SPIDR: variants seen among roughly 807,000 people sequenced by gnomAD.
The protein encoded by SPIDR is scaffold protein involved in DNA repair.
In SPIDR, 93 loss-of-function variants were observed where a neutral mutation model predicts 104.6. The observed-to-expected ratio is 0.89, with a 90% CI of 0.75 to 1.06. The LOEUF (loss-of-function observed/expected upper bound fraction) is 1.06. SPIDR is among the 50% of genes least tolerant of loss of function. The pLI is 0.00. For synonymous variants in SPIDR, 431 were observed against 416.9 expected (o/e 1.03, Z -0.41); for missense variants, 1,154 against 1,111.2 (o/e 1.04, Z -0.55).
intron 5 of SPIDR, among the ~76,000 whole-genome samples, chr8:47,329,367 G>A (rs575102494): frequency 2.6e-4 from 40 of 152,142 alleles, no homozygotes; most frequent in African/African-American, 7.9e-4. Context: ...CACCGCGCCC[G>A]ACCCAATTTT....
chr8:47,284,277 C>T (rs1001713549), intron 3 of SPIDR, among the ~76,000 whole-genome samples, 183 bp downstream of exon 3: 7 of 152,126 alleles, frequency 4.6e-5, no homozygotes, highest in African/African-American at 9.7e-5. Flanking sequence ...TCGCTGTCAC[C>T]GTCTACCCCA....
intron 7 of SPIDR, among the ~76,000 whole-genome samples, chr8:47,431,136 ACTGGTTTTAGGCAGTCGCCTTCTTG>A (rs2067291671): frequency 6.6e-6 from 1 of 152,152 alleles, no homozygotes; most frequent in Admixed American, 6.5e-5. Flanking sequence ...GAGCCCTTTT[ACTGGTTTTAGGCAGTCGCCTTCTTG>A]CTGTGTGCTC....
chr8:47,274,943 A>G (rs2154217193), intron 1 of SPIDR, among the ~76,000 whole-genome samples: 1 of 151,796 alleles, frequency 6.6e-6, no homozygotes, highest in East Asian at 2.0e-4. Context: ...TGGAGCTGCT[A>G]GAAAATAAAG....
chr8:47,504,577 C>G (rs200779213), intron 8 of SPIDR, among the ~76,000 whole-genome samples: 13 of 152,248 alleles, frequency 8.5e-5, no homozygotes, highest in African/African-American at 2.6e-4. Context: ...GCCATGGGTG[C>G]AAACTTCCTC....
chr8:47,284,755 C>G (rs911967063), intron 3 of SPIDR, among the ~76,000 whole-genome samples: 1 of 152,148 alleles, frequency 6.6e-6, no homozygotes, highest in Non-Finnish European at 1.5e-5. Flanking sequence ...GGAAGGAATG[C>G]GCTTCCCAGT....
At chr8:47,432,883 G>A (rs549493420) in intron 7 of SPIDR, among the ~76,000 whole-genome samples, 2 of 152,234 alleles carry the variant, frequency 1.3e-5, no homozygotes, top group Admixed American at 6.5e-5. Flanking sequence ...CCATTCAGGT[G>A]GGCCTTATGA....
At chr8:47,584,339 A>T (rs1265396829) in intron 8 of SPIDR, among the ~76,000 whole-genome samples, 4 of 152,214 alleles carry the variant, frequency 2.6e-5, no homozygotes, top group Non-Finnish European at 4.4e-5. Flanking sequence ...TTTCAAATAT[A>T]TGTTTACCTT....
intron 5 of SPIDR, among the ~76,000 whole-genome samples, chr8:47,316,466 C>T (rs1554589621): frequency 6.6e-6 from 1 of 152,162 alleles, no homozygotes; most frequent in African/African-American, 2.4e-5. Flanking sequence ...CATATACCCA[C>T]CAGTTGGAGA....
intron 16 of SPIDR, among the ~76,000 whole-genome samples, chr8:47,717,975 C>CTGGGGCACA (rs1056027984): frequency 2.0e-5 from 3 of 152,166 alleles, no homozygotes; most frequent in Non-Finnish European, 4.4e-5. Context: ...GAGAGCAGCC[C>CTGGGGCACA]TGGGGCACAT....
At chr8:47,672,958 G>T (rs1038990830) in intron 10 of SPIDR, among the ~76,000 whole-genome samples, 7 of 152,220 alleles carry the variant, frequency 4.6e-5, no homozygotes, top group African/African-American at 1.7e-4. Flanking sequence ...TGCCAAGGCA[G>T]CACTTAAGGC....
In SPIDR at chr8:47,673,937, G is replaced by A. The variant is rs1262815925; in HGVS notation, c.1681G>A (p.Gly561Arg). 13 of 1,613,834 alleles carry A rather than the reference G, an allele frequency of 8.1e-6. No homozygotes were observed. The highest frequency in any genetic ancestry group is 1.7e-5 in the Admixed American group (1 of 59,976). ...GMKVLQKVTR[G>R]RTAGIFSLID... ...GAAGGTTCTACAGAAAGTCACCAGA[G>A]GAAGGTGAGAACGTGCAGGAATGGC... The change falls in exon 11 of 20, where the codon GGA (glycine) becomes AGA (arginine). Residue 561 changes from glycine (G) to arginine (R), a missense_variant. Coordinates refer to ENST00000297423, the MANE Select transcript of SPIDR (RefSeq NM_001080394.4).
chr8:47,625,011 C>T (rs905231504), intron 10 of SPIDR, among the ~76,000 whole-genome samples: 2 of 152,156 alleles, frequency 1.3e-5, no homozygotes, highest in African/African-American at 4.8e-5. Context: ...AAATCGAATC[C>T]AGCAGCACCT....
At chr8:47,607,508 G>C (rs1367036577) in intron 10 of SPIDR, among the ~76,000 whole-genome samples, 1 of 152,010 alleles carries the variant, frequency 6.6e-6, no homozygotes, top group Non-Finnish European at 1.5e-5. Flanking sequence ...TGGATGTGAT[G>C]ATTAGGGGCC....
chr8:47,424,430 G>T (rs1464423296), intron 7 of SPIDR, among the ~76,000 whole-genome samples: 1 of 152,132 alleles, frequency 6.6e-6, no homozygotes, highest in African/African-American at 2.4e-5. Context: ...TCAACCTCCA[G>T]AGTGGCTGGG....
At chr8:47,484,818 G>T (rs552755612) in intron 8 of SPIDR, among the ~76,000 whole-genome samples, 1 of 152,184 alleles carries the variant, frequency 6.6e-6, no homozygotes, top group Admixed American at 6.5e-5. Context: ...ACATTGTGGC[G>T]TTCAAAGGGA....
chr8:47,576,121 A>G (rs963399437), intron 8 of SPIDR, among the ~76,000 whole-genome samples: 4 of 151,276 alleles, frequency 2.6e-5, no homozygotes, highest in African/African-American at 9.7e-5. Flanking sequence ...TTTTTTTGAC[A>G]AGGTCTTTTT....
intron 15 of SPIDR, 108 bp downstream of exon 15, chr8:47,712,980 C>T (rs2082090673): frequency 6.6e-7 from 1 of 1,524,014 alleles, no homozygotes; most frequent in African/African-American, 1.4e-5. Context: ...CTGCCGGCAC[C>T]TTCACGGAGC....
intron 8 of SPIDR, among the ~76,000 whole-genome samples, chr8:47,578,615 T>C (rs2059388179): frequency 6.6e-6 from 1 of 152,212 alleles, no homozygotes. Flanking sequence ...CTGAAACTTG[T>C]TACTTTTGAG....
At chr8:47,688,024 T>C (rs1589200795) in intron 11 of SPIDR, among the ~76,000 whole-genome samples, 1 of 151,350 alleles carries the variant, frequency 6.6e-6, no homozygotes, top group Non-Finnish European at 1.5e-5. Flanking sequence ...AAAGTGTGTG[T>C]GTGTGTGTGT....
Sources: allele counts gnomAD v4.1 joint callset (sites outside exome capture counted in the v4.1 genomes callset), GRCh38; gene constraint gnomAD v4.1.1; transcripts MANE v1.5; gene names NCBI Gene and HGNC (gene_info 2026-07-23, HGNC 2026-07-21).